TCF3: variants seen among roughly 807,000 people sequenced by gnomAD.
TCF3 encodes the protein transcription factor E2-alpha.
Under a neutral mutation model 72.3 loss-of-function variants are expected in TCF3, and 54 were observed. That is an observed-to-expected ratio of 0.75 (90% CI 0.60 to 0.94). The LOEUF is 0.94. TCF3 is among the 40% of genes least tolerant of loss of function. The pLI, the probability that TCF3 is intolerant of heterozygous loss-of-function variation, is 0.00. For missense variants in TCF3, 1,078 were observed against 934.4 expected, an observed-to-expected ratio of 1.15 and a Z score of -2.00; for synonymous variants, 525 against 412.6, an observed-to-expected ratio of 1.27 and a Z score of -3.30.
intron 3 of TCF3, among the ~76,000 whole-genome samples, chr19:1,644,566 G>A (rs937087602): frequency 6.6e-6 from 1 of 152,228 alleles, no homozygotes; most frequent in African/African-American, 2.4e-5. Flanking sequence ...CAGCATTGGG[G>A]CAGGGCCGGA....
intron 5 of TCF3, among the ~76,000 whole-genome samples, chr19:1,629,783 G>A (rs1263776231): frequency 1.3e-5 from 2 of 152,094 alleles, no homozygotes; most frequent in South Asian, 2.1e-4. Flanking sequence ...CTCAAAGCAG[G>A]AAAAAAATTT....
Position 1,632,125 on chromosome 19 carries a change from G to A in TCF3, c.220-9C>T. On this transcript the variant is annotated splice_polypyrimidine_tract_variant and intron_variant, in intron 4 of 18. Transcript: ENST00000262965. ...GTGCCCTCGCTGAAGGTCTAGGGGA[G>A]ATGGGGTGGGGATGAGAGGTGCTGG... The A allele has an allele frequency of 6.2e-7, 1 of 1,611,992 alleles. No homozygotes were observed. Among genetic ancestry groups the A allele is most frequent in the Non-Finnish European group, 8.5e-7 (1 of 1,179,136 alleles).
Position 1,612,244 on chromosome 19 carries a change from G to A in TCF3, c.1823-395C>T, listed in dbSNP as rs1198792330. 1.2e-5 allele frequency: 19 copies of A among 1,605,376 alleles called. No individual in the cohort carries two copies. Among genetic ancestry groups the A allele is most frequent in the East Asian group, 2.2e-5 (1 of 44,794 alleles). On this transcript the variant is annotated intron_variant, in intron 18 of 18. Transcript: ENST00000262965. ...GCTCCAGCCCCAGGATGACCTGCAC[G>A]GCCTGCTGCAGGATGAGCAGCTTGG... is the stretch of plus-strand genomic sequence containing the variant.
intron 18 of TCF3, chr19:1,612,385 C>T (rs1283580110): frequency 3.1e-6 from 5 of 1,613,800 alleles, no homozygotes; most frequent in Middle Eastern, 1.6e-4. Context: ...TGCGCCTCTC[C>T]CGGTCCCTCA....
chr19:1,642,762 G>A (rs944392013), intron 3 of TCF3, among the ~76,000 whole-genome samples: 8 of 152,056 alleles, frequency 5.3e-5, no homozygotes, highest in African/African-American at 1.9e-4. Context: ...CTGAGCCACC[G>A]CGCCCGGTCA....
intron 3 of TCF3, among the ~76,000 whole-genome samples, chr19:1,640,651 T>C (rs1433919037): frequency 1.3e-5 from 2 of 151,808 alleles, no homozygotes; most frequent in Non-Finnish European, 2.9e-5. Context: ...ACCCCGTCTC[T>C]ACTAAAAATA....
At chr19:1,621,602 T>TGGGTGGGTGAGTCCCTCTCTGA (rs1568369567) in intron 11 of TCF3, among the ~76,000 whole-genome samples, 2 of 152,116 alleles carry the variant, frequency 1.3e-5, no homozygotes, top group African/African-American at 4.8e-5. Context: ...TCTCTGAGCC[T>TGGGTGGGTGAGTCCCTCTCTGA]CTTTCCCAGC....
At chr19:1,625,755 C>A in intron 6 of TCF3, 47 bp from the exon 7 acceptor site, 1 of 1,453,948 alleles carries the variant, frequency 6.9e-7, no homozygotes, top group Non-Finnish European at 9.0e-7. Flanking sequence ...GCATCCAGAC[C>A]CCAGGCTGTT....
chr19:1,614,318 CG>C lies in TCF3; in HGVS notation c.1822+966del, dbSNP rs1314430646. Among the ~76,000 whole-genome samples, 2 of 152,228 alleles carry C rather than the reference CG, an allele frequency of 1.3e-5. No homozygotes were observed. The highest frequency in any genetic ancestry group is 2.9e-5 in the Non-Finnish European group (2 of 68,036). On this transcript the variant is annotated intron_variant, in intron 18 of 18. Coordinates refer to ENST00000262965, the MANE Select transcript of TCF3 (RefSeq NM_003200.5). The surrounding 1 kb of genome is among the most constrained non-coding windows in gnomAD (Gnocchi z 5.6). Reference sequence around the variant, plus strand: ...GACAGGACCAGGGGCTGCGTGCTCCCGGGTCTGGTTTCTTCCCGCAAGCCCT... The same window carrying C: ...GACAGGACCAGGGGCTGCGTGCTCCCGGTCTGGTTTCTTCCCGCAAGCCCT...
chr19:1,631,804 T>G (rs974953102), intron 5 of TCF3: 4 of 1,122,998 alleles, frequency 3.6e-6, no homozygotes, highest in Non-Finnish European at 5.0e-6. Context: ...ACGGCCTCCC[T>G]GCCTCTACGC....
rs1232205642 is a variant in TCF3 at position 1,610,434 on chromosome 19, G to A, written c.*1273C>T. 3 of 231,048 alleles carry A rather than the reference G, an allele frequency of 1.3e-5. No homozygotes were observed. The highest frequency in any genetic ancestry group is 2.2e-5 in the African/African-American group (1 of 45,150). 14.3% of individuals were successfully genotyped at this position (231,048 alleles called of 1,614,324 possible). On this transcript the variant is annotated 3_prime_UTR_variant, in exon 19 of 19. Transcript: ENST00000262965. ...ATGGGGACATGGTGGGGTGGGGTGG[G>A]GGGTGTCCTGTGCTGGCTCCTGAGC...
At chr19:1,625,896 C>A (rs947122724) in intron 6 of TCF3, among the ~76,000 whole-genome samples, 188 bp from the exon 7 acceptor site, 12 of 152,212 alleles carry the variant, frequency 7.9e-5, no homozygotes, top group Middle Eastern at 3.2e-3. Context: ...TGACCGCATC[C>A]CACACTGCTG....
At chr19:1,644,854 A>G (rs771204298) in intron 3 of TCF3, among the ~76,000 whole-genome samples, 47 of 144,288 alleles carry the variant, frequency 3.3e-4, no homozygotes, top group Non-Finnish European at 7.0e-4. Context: ...GAGGCCCAGG[A>G]GAATGGGGGT....
In TCF3 at chr19:1,636,465, T is replaced by A. The variant is rs114907761; in HGVS notation, c.146-4060A>T. Among the ~76,000 whole-genome samples the A allele has an allele frequency of 3.6e-3, 544 of 152,220 alleles. 5 individuals carry two copies. Among genetic ancestry groups the A allele is most frequent in the African/African-American group, 0.012 (519 of 41,550 alleles). On this transcript the variant is annotated intron_variant, in intron 3 of 18. Coordinates refer to ENST00000262965, the MANE Select transcript of TCF3 (RefSeq NM_003200.5). ...CATGAGCCACAACGCCTGGTGAATT[T>A]AAAAAAATTTTTTTGTAGAGATGGG...
intron 5 of TCF3, among the ~76,000 whole-genome samples, chr19:1,630,010 AG>A: frequency 6.6e-6 from 1 of 152,034 alleles, no homozygotes; most frequent in African/African-American, 2.4e-5. Context: ...TTATGGCAAA[AG>A]CCCCCCGTGC....
intron 3 of TCF3, among the ~76,000 whole-genome samples, chr19:1,638,408 G>A (rs908849579): frequency 6.6e-6 from 1 of 152,028 alleles, no homozygotes; most frequent in Non-Finnish European, 1.5e-5. Context: ...TGGCTCTGTC[G>A]CCCAGGCTGG....
intron 3 of TCF3, 120 bp from the exon 4 acceptor site, chr19:1,632,525 A>G (rs1238375857): frequency 1.3e-5 from 14 of 1,046,584 alleles, no homozygotes; most frequent in Admixed American, 2.3e-5. Flanking sequence ...AACCCTTCCT[A>G]ACCCAGCCTC....
At position 1,652,493 on chromosome 19, in the gene TCF3, C is replaced by A. The variant is rs1368989313; in HGVS notation, c.-233G>T. Reference sequence around the variant, plus strand: ...CGCGGGGCCCGTGCGCGCGGCCGGCCGGGGCGCCCCTGGGGCAGCGGCGTG... The same window carrying A: ...CGCGGGGCCCGTGCGCGCGGCCGGCAGGGGCGCCCCTGGGGCAGCGGCGTG... On this transcript the variant is annotated 5_prime_UTR_variant, in exon 1 of 19. Coordinates refer to ENST00000262965, the MANE Select transcript of TCF3 (RefSeq NM_003200.5). The A allele has an allele frequency of 1.4e-5, 2 of 144,588 alleles. No homozygotes were observed. The highest frequency in any genetic ancestry group is 3.1e-5 in the Non-Finnish European group (2 of 65,126). The allele number at this position is 144,588 out of a possible 1,614,324, so 9.0% of individuals were successfully genotyped here. A position where few individuals can be genotyped will look rare whatever the true frequency, so the allele number is the denominator to read the frequency against.
intron 7 of TCF3, among the ~76,000 whole-genome samples, chr19:1,624,900 C>A (rs1459258940): frequency 6.6e-6 from 1 of 152,192 alleles, no homozygotes; most frequent in Admixed American, 6.5e-5. Context: ...GGCTGGAGTA[C>A]AATGGTGCGA....
Sources: gnomAD v4.1 joint callset for allele counts (sites outside exome capture counted in the v4.1 genomes callset) on GRCh38, gnomAD v4.1.1 for gene constraint, Gnocchi (gnomAD v3.1) non-coding constraint, MANE v1.5 for transcripts, NCBI Gene and HGNC (gene_info 2026-07-23, HGNC 2026-07-21) for gene names.